Variants in AKT3 observed in about 807,000 individuals in gnomAD.
AKT3 encodes RAC-gamma serine/threonine-protein kinase.
In AKT3, 15 loss-of-function variants were observed where a neutral mutation model predicts 65.3. That is an observed-to-expected ratio of 0.23 (90% CI 0.15 to 0.35). The LOEUF is 0.35. Among genes scored for constraint, AKT3 ranks in the 10% least tolerant of loss-of-function variants. The pLI is 1.00. For synonymous variants in AKT3, 206 were observed against 183.8 expected (o/e 1.12, Z -0.98); for missense variants, 243 against 576.5 (o/e 0.42, Z 5.92).
Position 243,499,792 on chromosome 1 carries a change from T to C in AKT3, c.*5457A>G, listed in dbSNP as rs747348160. 1.2e-6 allele frequency: 2 copies of C among 1,611,984 alleles called. No homozygotes were observed. Among genetic ancestry groups the C allele is most frequent in the East Asian group, 2.2e-5 (1 of 44,880 alleles). On this transcript the variant is annotated 3_prime_UTR_variant, in exon 14 of 14. Transcript: ENST00000673466. ...GCCACAATCTGATTGCTGACCTGGATGGAACAGAGTGAAATAAATGATTTA... is the reference window on the plus strand; with the variant it reads ...GCCACAATCTGATTGCTGACCTGGACGGAACAGAGTGAAATAAATGATTTA...
intron 2 of AKT3, among the ~76,000 whole-genome samples, chr1:243,715,965 C>T (rs1395691458): frequency 6.6e-6 from 1 of 152,012 alleles, no homozygotes; most frequent in Admixed American, 6.6e-5. Context: ...GTTGTTACAC[C>T]ATTTGATCAA....
chr1:243,552,292 A>AAAAG (rs1673135678), intron 11 of AKT3, among the ~76,000 whole-genome samples: 1 of 147,454 alleles, frequency 6.8e-6, no homozygotes, highest in Non-Finnish European at 1.5e-5. Flanking sequence ...CTGTCTCAAA[A>AAAAG]AAAAAAAAAA....
At chr1:243,586,422 CT>C (rs1675810358) in intron 8 of AKT3, among the ~76,000 whole-genome samples, 1 of 152,064 alleles carries the variant, frequency 6.6e-6, no homozygotes, top group African/African-American at 2.4e-5. Context: ...ACAAATTGTT[CT>C]ATAAAGTAGA....
At chr1:243,553,422 C>T (rs1414994825) in intron 10 of AKT3, among the ~76,000 whole-genome samples, 1 of 152,092 alleles carries the variant, frequency 6.6e-6, no homozygotes, top group African/African-American at 2.4e-5. Flanking sequence ...CAGTAGTAAA[C>T]AAAGGCAATG....
chr1:243,649,297 A>C (rs1206020258), intron 4 of AKT3, among the ~76,000 whole-genome samples: 1 of 145,504 alleles, frequency 6.9e-6, no homozygotes, highest in Non-Finnish European at 1.5e-5. Flanking sequence ...TATGACCAAG[A>C]ATATGTTATG....
intron 4 of AKT3, among the ~76,000 whole-genome samples, chr1:243,652,785 A>AAAAAAAAAAAAAAC: frequency 6.7e-6 from 1 of 148,934 alleles, no homozygotes; most frequent in Non-Finnish European, 1.5e-5. Flanking sequence ...AAAAAAAAAA[A>AAAAAAAAAAAAAAC]AAAAAAAAGC....
rs1186902375 is a variant in AKT3 at position 243,500,873 on chromosome 1, T to TTTA, written c.*4373_*4375dup. 1 of 228,706 alleles carries TTTA rather than the reference T, an allele frequency of 4.4e-6. No individual in the cohort carries two copies. The highest frequency in any genetic ancestry group is 2.2e-5 in the African/African-American group (1 of 45,078). The allele number at this position is 228,706 out of a possible 1,614,324, so 14.2% of individuals were successfully genotyped here. ...AACTTCTATTCAGATTCAGAAGTTT[T>TTTA]TTATTTCATCAAATGTGCTAGACAT... On this transcript the variant is annotated 3_prime_UTR_variant, in exon 14 of 14. Transcript: ENST00000673466.
intron 5 of AKT3, among the ~76,000 whole-genome samples, chr1:243,640,836 G>A (rs1217504703): frequency 6.6e-6 from 1 of 152,192 alleles, no homozygotes; most frequent in Non-Finnish European, 1.5e-5. Context: ...CATTAAATTT[G>A]AGGTAGTTTG....
intron 10 of AKT3, among the ~76,000 whole-genome samples, chr1:243,562,053 T>C (rs1673823747): frequency 6.6e-6 from 1 of 152,140 alleles, no homozygotes; most frequent in Non-Finnish European, 1.5e-5. Flanking sequence ...TTATTCATAG[T>C]AGCCAAAAAA....
intron 11 of AKT3, among the ~76,000 whole-genome samples, chr1:243,551,804 G>T (rs1324080235): frequency 6.6e-6 from 1 of 151,964 alleles, no homozygotes; most frequent in African/African-American, 2.4e-5. Context: ...TATGATTTAT[G>T]AATTTATAAA....
intron 12 of AKT3, among the ~76,000 whole-genome samples, chr1:243,514,367 G>C (rs1670208506): frequency 6.6e-6 from 1 of 152,124 alleles, no homozygotes; most frequent in South Asian, 2.1e-4. Context: ...GTTTTCAAAA[G>C]ATTATAGGGG....
chr1:243,558,025 C>G (rs916957478), intron 10 of AKT3, among the ~76,000 whole-genome samples: 2 of 152,062 alleles, frequency 1.3e-5, no homozygotes, highest in Non-Finnish European at 2.9e-5. Context: ...TTTTTACCTA[C>G]AGATTAAATG....
intron 2 of AKT3, among the ~76,000 whole-genome samples, chr1:243,706,976 T>A (rs1051622517): frequency 6.6e-6 from 1 of 152,180 alleles, no homozygotes; most frequent in African/African-American, 2.4e-5. Flanking sequence ...ACTAGCTGTG[T>A]GAGAGACAGT....
chr1:243,617,363 A>C (rs1182194664), intron 6 of AKT3, among the ~76,000 whole-genome samples: 4 of 152,070 alleles, frequency 2.6e-5, no homozygotes, highest in Non-Finnish European at 2.9e-5. Context: ...ATACATAATT[A>C]AGCATTATAC....
intron 13 of AKT3, among the ~76,000 whole-genome samples, chr1:243,491,086 C>T (rs778551050): frequency 6.6e-6 from 1 of 152,226 alleles, no homozygotes; most frequent in East Asian, 1.9e-4. Context: ...CTGGAGCACA[C>T]GGCAGCTTCC....
intron 8 of AKT3, among the ~76,000 whole-genome samples, chr1:243,602,699 T>C (rs540486935): frequency 6.6e-6 from 1 of 152,078 alleles, no homozygotes; most frequent in Admixed American, 6.5e-5. Flanking sequence ...AAAAATCAAA[T>C]ACATGTTATC....
In AKT3 at chr1:243,729,980, G is replaced by A. The variant is rs1341670981; in HGVS notation, c.47-34264C>T. 3.3e-5 allele frequency among the ~76,000 whole-genome samples: 5 copies of A among 152,278 alleles called. No homozygotes were observed. In the South Asian group the frequency reaches 1.0e-3, roughly 32 times the overall value. On this transcript the variant is annotated intron_variant, in intron 2 of 13. Coordinates refer to ENST00000673466, the MANE Select transcript of AKT3 (RefSeq NM_005465.7). ...AATAAAATTGTGATAGTGGCAGGAG[G>A]CAGACAAATTCCTAGGCAGATTGGG...
chr1:243,797,960 A>T (rs12097165), intron 2 of AKT3, among the ~76,000 whole-genome samples: 3,351 of 147,974 alleles, frequency 0.023, 120 homozygotes, highest in African/African-American at 0.078. Flanking sequence ...TCGGCTCACT[A>T]AAAGCTCCAC....
intron 4 of AKT3, among the ~76,000 whole-genome samples, chr1:243,662,701 TATA>T (rs200593524): frequency 0.12 from 17,964 of 151,154 alleles, 1,409 homozygotes; most frequent in East Asian, 0.29. Flanking sequence ...AAACTTAAAG[TATA>T]ATAATAATAA....
Sources: gnomAD v4.1 joint callset for allele counts (sites outside exome capture counted in the v4.1 genomes callset) on GRCh38, gnomAD v4.1.1 for gene constraint, MANE v1.5 for transcripts, NCBI Gene and HGNC (gene_info 2026-07-23, HGNC 2026-07-21) for gene names.